The following PEX6 variants were observed in gnomAD, a reference collection of about 807,000 sequenced individuals.
PEX6 encodes peroxisomal biogenesis factor 6, also known as peroxisome biogenesis factor 6.
A neutral mutation model predicts 85.6 loss-of-function variants in PEX6; 55 were observed. The observed-to-expected ratio is 0.64, with a 90% confidence interval of 0.52 to 0.80. The LOEUF is 0.80. Among genes scored for constraint, PEX6 ranks in the 30% least tolerant of loss-of-function variants. PEX6 has a pLI of 0.00. For synonymous variants in PEX6, 519 were observed against 549.1 expected (o/e 0.95, Z 0.77); for missense variants, 1,099 against 1,260.3 (o/e 0.87, Z 1.94).
rs2114237782 is a variant in PEX6, at chr6:42,965,378, A to C, written c.2472-10T>G. 6.3e-7 allele frequency: 1 copy of C among 1,594,242 alleles called. No individual in the cohort carries two copies. The highest frequency in any genetic ancestry group is 8.6e-7 in the Non-Finnish European group (1 of 1,162,540). On this transcript the variant is annotated splice_polypyrimidine_tract_variant and intron_variant, in intron 13 of 16. Transcript: ENST00000304611. The surrounding 1 kb of genome is among the most constrained non-coding windows in gnomAD (Gnocchi z 5.0). ...GAGCTGAGACACCACCCTGGAGAGA[A>C]GGGAGCAAGGGCAAGAGTCCTTGGT...
In PEX6 at chr6:42,969,717, C is replaced by A. The variant is rs559954581; in HGVS notation, c.1318G>T (p.Ala440Ser). 1 of 1,612,864 alleles carries A rather than the reference C, an allele frequency of 6.2e-7. No individual in the cohort carries two copies. The highest frequency in any genetic ancestry group is 1.1e-5 in the South Asian group (1 of 91,024). ...ACAGCACAGAGTTCAGACACCAAGGCCTCCAGGCCTGGAGGAGACAAACTG... is the reference window on the plus strand; with the variant it reads ...ACAGCACAGAGTTCAGACACCAAGGACTCCAGGCCTGGAGGAGACAAACTG... ...WSSLSPPGLEALVSELCAVLK... is the reference protein window; with the variant it reads ...WSSLSPPGLESLVSELCAVLK... Residue 440 changes from alanine (A) to serine (S), a missense_variant, in exon 5 of 17, where the codon GCC becomes TCC. By Grantham distance (99) the Ala-to-Ser change is moderately conservative. This residue lies in a region of PEX6 where 579 missense variants were observed against 611.6 expected (regional missense o/e 0.95). Transcript: ENST00000304611.
chr6:42,968,965 G>A lies in PEX6; in HGVS notation c.1388C>T (p.Thr463Ile), dbSNP rs369352915. ...LQPGGALLTG[T>I]SSVLLRGPPG... ...GGGGCCCCGTAGAAGGACACTGCTA[G>A]TTCCTGTCAGCAGGGCACCCCTGCA... is the stretch of plus-strand genomic sequence containing the variant. The change falls in exon 6 of 17, where the codon ACT (threonine) becomes ATT (isoleucine). Residue 463 changes from threonine (T) to isoleucine (I), a missense_variant. Physicochemically the swap from Thr to Ile is moderately conservative, Grantham distance 89. This residue lies in a region of PEX6 where 579 missense variants were observed against 611.6 expected (regional missense o/e 0.95). Coordinates refer to ENST00000304611, the MANE Select transcript of PEX6 (RefSeq NM_000287.4). 2.9e-5 allele frequency: 46 copies of A among 1,613,476 alleles called. No individual in the cohort carries two copies. Among genetic ancestry groups the A allele is most frequent in the Non-Finnish European group, 3.6e-5 (43 of 1,179,554 alleles).
At position 42,969,901 on chromosome 6, in the gene PEX6, T is replaced by C; in HGVS notation, c.1217A>G (p.His406Arg). 3 of 1,614,244 alleles carry C rather than the reference T, an allele frequency of 1.9e-6. No individual in the cohort carries two copies. The highest frequency in any genetic ancestry group is 1.7e-6 in the Non-Finnish European group (2 of 1,180,044). ...GGGCCTCACCATGTACAAGGAGGTA[T>C]GGGTGGTGTCGGCCAAGTAGGCACT... The part of the protein sequence containing the change: ...PASAYLADTT[H>R]TSLYMVGSTL... Residue 406 changes from histidine (H) to arginine (R), a missense_variant, in exon 4 of 17, where the codon CAT becomes CGT. By Grantham distance (29) the His-to-Arg change is conservative. Coordinates refer to ENST00000304611, the MANE Select transcript of PEX6 (RefSeq NM_000287.4).
chr6:42,967,395 G>A lies in PEX6; in HGVS notation c.1857C>T (p.Asn619=), dbSNP rs140285166. ...TAHLPLGQEV[N]LAQLARRCAG... is the part of the protein sequence containing the mutation. ...CACACCGCCGTGCTAGCTGTGCCAA[G>A]TTCACCTCCTGGCCCAGGGGAAGGT... The change falls in exon 8 of 17, where the codon AAC becomes AAT. Residue 619 remains asparagine (N), a synonymous_variant. Coordinates refer to ENST00000304611, the MANE Select transcript of PEX6 (RefSeq NM_000287.4). The A allele has an allele frequency of 6.2e-6, 10 of 1,613,270 alleles. No individual in the cohort carries two copies. The African/African-American group carries it at 1.1e-4, about 17-fold the overall frequency.
chr6:42,977,952 T>C (rs1384298639), intron 1 of PEX6, among the ~76,000 whole-genome samples: 2 of 150,306 alleles, frequency 1.3e-5, no homozygotes, highest in Non-Finnish European at 3.0e-5. Context: ...CAAGCGATTC[T>C]CCTGCTTCAG....
intron 1 of PEX6, 96 bp downstream of exon 1, chr6:42,978,173 A>T (rs1770384270): frequency 7.1e-7 from 1 of 1,413,290 alleles, no homozygotes; most frequent in African/African-American, 1.4e-5. Context: ...GTCCGGGATG[A>T]TATGGGGCAC....
In PEX6 at chr6:42,966,864, G is replaced by A. The variant is rs371594198; in HGVS notation, c.1885-6C>T. The A allele has an allele frequency of 1.9e-6, 3 of 1,610,892 alleles. No homozygotes were observed. The highest frequency in any genetic ancestry group is 2.5e-6 in the Non-Finnish European group (3 of 1,179,628). Reference sequence around the variant, plus strand: ...AGATCCCCTACCACAAAGCCCTAGGGAACCACAGGAAAGGACACATGAGCA... The same window carrying A: ...AGATCCCCTACCACAAAGCCCTAGGAAACCACAGGAAAGGACACATGAGCA... On this transcript the variant is annotated splice_region_variant and splice_polypyrimidine_tract_variant and intron_variant, in intron 8 of 16. Transcript: ENST00000304611.
In PEX6 at chr6:42,966,445, G is replaced by T; in HGVS notation, c.2097C>A (p.Ile699=). The T allele has an allele frequency of 6.2e-7, 1 of 1,614,160 alleles. No individual in the cohort carries two copies. The change falls in exon 11 of 17, where the codon ATC becomes ATA. Residue 699 remains isoleucine, a splice_region_variant and synonymous_variant. Transcript: ENST00000304611. ...AHSQAVGAPK[I]PSVSWHDVGG... is the part of the protein sequence containing the mutation. ...CCACATCATGCCAGGACACTGAGGGGATCTAGGAGATGGAAAGTGCGTGGT... is the reference window on the plus strand; with the variant it reads ...CCACATCATGCCAGGACACTGAGGGTATCTAGGAGATGGAAAGTGCGTGGT...
chr6:42,964,233 T>C lies in PEX6; in HGVS notation c.*102A>G, dbSNP rs1769626151. ...TGGAGGGAGGTGGCCTCCAGGTGGGTTGGCAGCAGCCTGAGGAGGAGCCCT... is the reference window on the plus strand; with the variant it reads ...TGGAGGGAGGTGGCCTCCAGGTGGGCTGGCAGCAGCCTGAGGAGGAGCCCT... On this transcript the variant is annotated 3_prime_UTR_variant, in exon 17 of 17. Coordinates refer to ENST00000304611, the MANE Select transcript of PEX6 (RefSeq NM_000287.4). The surrounding 1 kb of genome is among the most constrained non-coding windows in gnomAD (Gnocchi z 4.6). 6 of 1,452,212 alleles carry C rather than the reference T, an allele frequency of 4.1e-6. No individual in the cohort carries two copies. The highest frequency in any genetic ancestry group is 3.5e-5 in the South Asian group (3 of 85,132). 90.0% of individuals were successfully genotyped at this position (1,452,212 alleles called of 1,614,324 possible). A position where few individuals can be genotyped will look rare whatever the true frequency, so the allele number is the denominator to read the frequency against.
In PEX6 at chr6:42,964,534, T is replaced by C; in HGVS notation, c.2807-63A>G. 10 of 1,592,432 alleles carry C rather than the reference T, an allele frequency of 6.3e-6. No homozygotes were observed. The South Asian group carries it at 1.1e-4, about 18-fold the overall frequency. On this transcript the variant is annotated intron_variant, in intron 16 of 16. Coordinates refer to ENST00000304611, the MANE Select transcript of PEX6 (RefSeq NM_000287.4). This position sits in a 1 kb window ranked among gnomAD's most constrained non-coding sequence, Gnocchi z 4.6. ...CAGGCAGGGGAGAGCCCTGCGAAGG[T>C]GGCTTCCTGCTCAGGGTCTCCTAGA...
Position 42,965,214 on chromosome 6 carries a change from C to T in PEX6, c.2588+38G>A, listed in dbSNP as rs748840257. 7 of 1,608,600 alleles carry T rather than the reference C, an allele frequency of 4.4e-6. No homozygotes were observed. In the African/African-American group the frequency reaches 5.3e-5, roughly 12 times the overall value. On this transcript the variant is annotated intron_variant, in intron 14 of 16. Coordinates refer to ENST00000304611, the MANE Select transcript of PEX6 (RefSeq NM_000287.4). The surrounding 1 kb of genome is among the most constrained non-coding windows in gnomAD (Gnocchi z 5.0). ...CCAGCCATGAGGGGTGAAGGAGGCACAAAATGAGGGTGGAGATGAGCAGTA... is the reference window on the plus strand; with the variant it reads ...CCAGCCATGAGGGGTGAAGGAGGCATAAAATGAGGGTGGAGATGAGCAGTA...
Position 42,966,115 on chromosome 6 carries a change from A to G in PEX6, c.2301-10T>C. On this transcript the variant is annotated splice_polypyrimidine_tract_variant and intron_variant, in intron 11 of 16. Coordinates refer to ENST00000304611, the MANE Select transcript of PEX6 (RefSeq NM_000287.4). ...CTCTGGCCCCTTCACGCTGAGTGAGAGGATGTGAGAAGGTGAGAGCCGTCA... is the reference window on the plus strand; with the variant it reads ...CTCTGGCCCCTTCACGCTGAGTGAGGGGATGTGAGAAGGTGAGAGCCGTCA... The G allele has an allele frequency of 1.2e-6, 2 of 1,614,014 alleles. No homozygotes were observed. Among genetic ancestry groups the G allele is most frequent in the Non-Finnish European group, 1.7e-6 (2 of 1,179,952 alleles).
chr6:42,965,199 G>T lies in PEX6; in HGVS notation c.2589-47C>A, dbSNP rs757044378. 1.4e-5 allele frequency: 23 copies of T among 1,609,248 alleles called. No homozygotes were observed. Among genetic ancestry groups the T allele is most frequent in the Non-Finnish European group, 1.8e-5 (21 of 1,175,616 alleles). ...TAAGTTTCAGGGAGCCCAGCCATGA[G>T]GGGTGAAGGAGGCACAAAATGAGGG... On this transcript the variant is annotated intron_variant, in intron 14 of 16. Coordinates refer to ENST00000304611, the MANE Select transcript of PEX6 (RefSeq NM_000287.4). The surrounding 1 kb of genome is among the most constrained non-coding windows in gnomAD (Gnocchi z 5.0).
chr6:42,978,125 G>A (rs1027921869), intron 1 of PEX6, 144 bp downstream of exon 1: 3 of 999,578 alleles, frequency 3.0e-6, no homozygotes, highest in African/African-American at 3.2e-5. Flanking sequence ...GATTACAGGC[G>A]TGAGTCACCG....
In PEX6 at chr6:42,965,885, C is replaced by T; in HGVS notation, c.2363-96G>A. The T allele has an allele frequency of 1.6e-6, 2 of 1,288,946 alleles. No individual in the cohort carries two copies. Among genetic ancestry groups the T allele is most frequent in the East Asian group, 2.3e-5 (1 of 43,418 alleles). The allele number at this position is 1,288,946 out of a possible 1,614,324, so 79.8% of individuals were successfully genotyped here. On this transcript the variant is annotated intron_variant, in intron 12 of 16. Coordinates refer to ENST00000304611, the MANE Select transcript of PEX6 (RefSeq NM_000287.4). The surrounding 1 kb of genome is among the most constrained non-coding windows in gnomAD (Gnocchi z 5.0). ...GGAGGGAAACTGGGGCCTGACAATACAGCACTGGCATCCCAGGTACTAGAC... is the reference window on the plus strand; with the variant it reads ...GGAGGGAAACTGGGGCCTGACAATATAGCACTGGCATCCCAGGTACTAGAC...
intron 1 of PEX6, among the ~76,000 whole-genome samples, chr6:42,977,283 C>T (rs891521396): frequency 1.6e-5 from 2 of 123,550 alleles, no homozygotes; most frequent in African/African-American, 3.3e-5. Flanking sequence ...CACAGAATTT[C>T]GCTCTGTCGT....
chr6:42,968,847 G>C, intron 6 of PEX6, 27 bp downstream of exon 6: 1 of 1,488,686 alleles, frequency 6.7e-7, no homozygotes. Flanking sequence ...GGAAGTAGCT[G>C]GGGTTCTACT....
In PEX6 at chr6:42,965,257, A is replaced by C; in HGVS notation, c.2583T>G (p.Pro861=). ...PDLLDPALLR[P]GRFDKLVFVG... ...GAGCAGTACAAGGGGCCCACCTGCC[A>C]GGCCGCAGAAGGGCAGGGTCCAGGA... is the stretch of plus-strand genomic sequence containing the variant. The change falls in exon 14 of 17, where the codon CCT becomes CCG. Residue 861 remains proline (P), a synonymous_variant. Transcript: ENST00000304611. This position sits in a 1 kb window ranked among gnomAD's most constrained non-coding sequence, Gnocchi z 5.0. 1 of 1,613,112 alleles carries C rather than the reference A, an allele frequency of 6.2e-7. No homozygotes were observed. Among genetic ancestry groups the C allele is most frequent in the Non-Finnish European group, 8.5e-7 (1 of 1,179,010 alleles).
Position 42,965,220 on chromosome 6 carries a change from G to A in PEX6, c.2588+32C>T, listed in dbSNP as rs1266563129. ...ATGAGGGGTGAAGGAGGCACAAAATGAGGGTGGAGATGAGCAGTACAAGGG... is the reference window on the plus strand; with the variant it reads ...ATGAGGGGTGAAGGAGGCACAAAATAAGGGTGGAGATGAGCAGTACAAGGG... On this transcript the variant is annotated intron_variant, in intron 14 of 16. Transcript: ENST00000304611. This position sits in a 1 kb window ranked among gnomAD's most constrained non-coding sequence, Gnocchi z 5.0. The A allele has an allele frequency of 5.6e-6, 9 of 1,607,462 alleles. No individual in the cohort carries two copies. The highest frequency in any genetic ancestry group is 6.8e-6 in the Non-Finnish European group (8 of 1,174,014).
Sources: allele counts gnomAD v4.1 joint callset (sites outside exome capture counted in the v4.1 genomes callset), GRCh38; gene constraint gnomAD v4.1.1; regional missense constraint gnomAD v4.1.1; non-coding constraint Gnocchi (gnomAD v3.1); transcripts MANE v1.5; gene names NCBI Gene and HGNC (gene_info 2026-07-23, HGNC 2026-07-21).